The following GEMIN2 variants were observed in gnomAD, a reference collection of about 807,000 sequenced individuals.
GEMIN2 encodes gem nuclear organelle associated protein 2.
Under a neutral mutation model 45.8 loss-of-function variants are expected in GEMIN2, and 37 were observed. The ratio of observed to expected loss-of-function variants is 0.81; its 90% CI spans 0.62 to 1.06. The LOEUF (loss-of-function observed/expected upper bound fraction) is 1.06. Among genes scored for constraint, GEMIN2 ranks in the 50% least tolerant of loss-of-function variants. The pLI, the probability that GEMIN2 is intolerant of heterozygous loss-of-function variation, is 0.00. For missense variants in GEMIN2, 335 were observed against 321.8 expected (o/e 1.04, Z -0.31); for synonymous variants, 101 against 111.5 (o/e 0.91, Z 0.60).
chr14:39,116,337 G>A (rs2052505692), intron 2 of GEMIN2, among the ~76,000 whole-genome samples: 1 of 152,024 alleles, frequency 6.6e-6, no homozygotes. Flanking sequence ...CGCCTGGCCA[G>A]CAAAGGTCTC....
intron 4 of GEMIN2, among the ~76,000 whole-genome samples, chr14:39,119,064 T>C (rs1043753171): frequency 6.6e-6 from 1 of 152,158 alleles, no homozygotes; most frequent in Admixed American, 6.6e-5. Context: ...CATGAGCTAC[T>C]GTACCCAGCC....
At chr14:39,133,441 C>T (rs886518449) in intron 8 of GEMIN2, among the ~76,000 whole-genome samples, 27 of 149,312 alleles carry the variant, frequency 1.8e-4, no homozygotes, top group Non-Finnish European at 3.7e-4. Flanking sequence ...ATTTTTTTTT[C>T]CCTATTCAGA....
intron 9 of GEMIN2, among the ~76,000 whole-genome samples, chr14:39,135,485 G>A: frequency 6.6e-6 from 1 of 152,014 alleles, no homozygotes; most frequent in Non-Finnish European, 1.5e-5. Flanking sequence ...ACTCGGGATG[G>A]TGAGGCAGGA....
intron 8 of GEMIN2, 56 bp downstream of exon 8, chr14:39,132,124 AAAG>A (rs2052725272): frequency 4.9e-6 from 4 of 811,304 alleles, no homozygotes. Flanking sequence ...ATATGGTGGT[AAAG>A]AAGGAGTTCA....
At chr14:39,128,390 T>C (rs375232506) in intron 7 of GEMIN2, 42 bp downstream of exon 7, 9 of 1,117,864 alleles carry the variant, frequency 8.1e-6, no homozygotes, top group African/African-American at 3.1e-5. Flanking sequence ...AGGCAAAAAT[T>C]AGACGTTTTG....
At chr14:39,126,886 C>T (rs2052649326) in intron 6 of GEMIN2, among the ~76,000 whole-genome samples, 1 of 152,248 alleles carries the variant, frequency 6.6e-6, no homozygotes, top group East Asian at 1.9e-4. Context: ...CTGCCTCAGC[C>T]TCCCTAGTAG....
intron 9 of GEMIN2, among the ~76,000 whole-genome samples, chr14:39,135,719 C>A (rs2052773770): frequency 6.6e-6 from 1 of 152,014 alleles, no homozygotes; most frequent in Admixed American, 6.6e-5. Context: ...TGAGCCATGA[C>A]AAAATCTGAT....
chr14:39,127,231 C>T (rs2052655011), intron 6 of GEMIN2, among the ~76,000 whole-genome samples: 1 of 150,890 alleles, frequency 6.6e-6, no homozygotes, highest in African/African-American at 2.4e-5. Context: ...GCTAGGATTA[C>T]AGACCCCGCC....
intron 6 of GEMIN2, among the ~76,000 whole-genome samples, chr14:39,125,786 T>A: frequency 6.6e-6 from 1 of 151,344 alleles, no homozygotes; most frequent in South Asian, 2.1e-4. Flanking sequence ...CTTTGGGAGG[T>A]CAAGGCAGGT....
rs1227956504 is a variant in GEMIN2 at position 39,133,113 on chromosome 14, TAC to T, written c.712-546_712-545del. On this transcript the variant is annotated intron_variant, in intron 8 of 9. Coordinates refer to ENST00000308317, the MANE Select transcript of GEMIN2 (RefSeq NM_003616.3). The stretch of plus-strand genomic sequence containing the variant: ...CAGTAAGAATCCTGTGTCTTGACTG[TAC>T]AGTGATTAATATATATTATATATAT... 2.0e-5 allele frequency among the ~76,000 whole-genome samples: 3 copies of T among 146,540 alleles called. No individual in the cohort carries two copies. The East Asian group carries it at 5.9e-4, about 29-fold the overall frequency.
chr14:39,135,135 C>T (rs2052766797), intron 9 of GEMIN2, among the ~76,000 whole-genome samples: 1 of 152,082 alleles, frequency 6.6e-6, no homozygotes, highest in African/African-American at 2.4e-5. Flanking sequence ...CTGACTGCCT[C>T]AGTTGAGATT....
chr14:39,118,162 A>G, intron 3 of GEMIN2, 74 bp downstream of exon 3: 3 of 708,152 alleles, frequency 4.2e-6, no homozygotes, highest in Non-Finnish European at 7.2e-6. Flanking sequence ...TGGAAAAATA[A>G]AATTTATGAT....
intron 7 of GEMIN2, among the ~76,000 whole-genome samples, chr14:39,128,638 A>T (rs1275760165): frequency 2.0e-5 from 3 of 151,404 alleles, no homozygotes; most frequent in East Asian, 3.9e-4. Context: ...CTACAGGCGC[A>T]TGCAGCCACG....
intron 7 of GEMIN2, 75 bp downstream of exon 7, chr14:39,128,423 C>A: frequency 4.4e-6 from 3 of 689,602 alleles, no homozygotes; most frequent in East Asian, 2.8e-5. Context: ...GCCACATATA[C>A]AATGGTGCTC....
chr14:39,125,969 G>A (rs1419190085), intron 6 of GEMIN2, among the ~76,000 whole-genome samples: 2 of 151,050 alleles, frequency 1.3e-5, no homozygotes, highest in African/African-American at 2.4e-5. Context: ...GCAGTGAGCC[G>A]AGATCGTGCC....
intron 6 of GEMIN2, among the ~76,000 whole-genome samples, chr14:39,127,928 C>T (rs1364039465): frequency 2.0e-5 from 3 of 151,852 alleles, no homozygotes; most frequent in Admixed American, 6.6e-5. Context: ...ATTAGCCGGA[C>T]GTGGTGGTGC....
At chr14:39,115,645 C>T (rs1248956667) in intron 2 of GEMIN2, among the ~76,000 whole-genome samples, 1 of 151,634 alleles carries the variant, frequency 6.6e-6, no homozygotes, top group Non-Finnish European at 1.5e-5. Context: ...TTAGTAGAGA[C>T]GGGGTTTCAC....
chr14:39,130,711 T>C (rs1221847079), intron 7 of GEMIN2, among the ~76,000 whole-genome samples: 2 of 151,786 alleles, frequency 1.3e-5, no homozygotes, highest in African/African-American at 4.8e-5. Flanking sequence ...CTGGCCAACA[T>C]GGTGAAACCC....
intron 1 of GEMIN2, 107 bp downstream of exon 1, chr14:39,114,582 C>A: frequency 1.2e-5 from 10 of 833,546 alleles, no homozygotes; most frequent in Non-Finnish European, 1.9e-5. Context: ...CAGGTCTATT[C>A]AGGATTCTGG....
Sources: gnomAD v4.1 joint callset for allele counts (sites outside exome capture counted in the v4.1 genomes callset) on GRCh38, gnomAD v4.1.1 for gene constraint, MANE v1.5 for transcripts, NCBI Gene and HGNC (gene_info 2026-07-23, HGNC 2026-07-21) for gene names.